The following ST6GALNAC3 variants were observed in gnomAD, a reference collection of about 807,000 sequenced individuals.
ST6GALNAC3 encodes ST6 N-acetylgalactosaminide alpha-2,6-sialyltransferase 3, also known as alpha-N-acetylgalactosaminide alpha-2,6-sialyltransferase 3.
A neutral mutation model predicts 32.7 loss-of-function variants in ST6GALNAC3; 25 were observed. That is an observed-to-expected ratio of 0.76 (90% confidence interval 0.56 to 1.07). The LOEUF is 1.07. Among genes scored for constraint, ST6GALNAC3 ranks in the 50% least tolerant of loss-of-function variants. The pLI is 0.00. For synonymous variants in ST6GALNAC3, 129 were observed against 133.1 expected (o/e 0.97, Z 0.21); for missense variants, 355 against 382.4 (o/e 0.93, Z 0.60).
At chr1:76,440,949 A>G (rs754421255) in intron 3 of ST6GALNAC3, among the ~76,000 whole-genome samples, 3 of 152,014 alleles carry the variant, frequency 2.0e-5, no homozygotes, top group Non-Finnish European at 4.4e-5. Context: ...TTAGCTGGGC[A>G]TGGTGGGGTG....
intron 1 of ST6GALNAC3, among the ~76,000 whole-genome samples, chr1:76,266,742 C>T (rs1428657104): frequency 6.6e-6 from 1 of 152,160 alleles, no homozygotes; most frequent in Non-Finnish European, 1.5e-5. Context: ...ATGCCAGCCA[C>T]CGACTGTGCT....
chr1:76,366,058 A>G (rs566902403), intron 2 of ST6GALNAC3, among the ~76,000 whole-genome samples: 2 of 152,074 alleles, frequency 1.3e-5, no homozygotes, highest in Admixed American at 1.3e-4. Context: ...TTTACTTTAG[A>G]TGATTTCTTT....
At chr1:76,158,476 G>A (rs1400286951) in intron 1 of ST6GALNAC3, among the ~76,000 whole-genome samples, 1 of 152,198 alleles carries the variant, frequency 6.6e-6, no homozygotes, top group African/African-American at 2.4e-5. Flanking sequence ...CACAGTTCCT[G>A]GGGTGGCCCC....
chr1:76,457,694 A>T (rs1657937520), intron 3 of ST6GALNAC3, among the ~76,000 whole-genome samples: 1 of 152,172 alleles, frequency 6.6e-6, no homozygotes, highest in African/African-American at 2.4e-5. Context: ...TAGAAAGCTG[A>T]AACTGGATCC....
At chr1:76,079,999 G>A (rs933347279) in intron 1 of ST6GALNAC3, among the ~76,000 whole-genome samples, 4 of 152,178 alleles carry the variant, frequency 2.6e-5, no homozygotes, top group Admixed American at 2.0e-4. Context: ...AAATGTTAGG[G>A]AGCCGCGGCC....
intron 3 of ST6GALNAC3, among the ~76,000 whole-genome samples, chr1:76,610,255 C>T (rs187061134): frequency 6.6e-6 from 1 of 151,964 alleles, no homozygotes; most frequent in Non-Finnish European, 1.5e-5. Context: ...GTAATTAAAT[C>T]CCCTGTTAGC....
At chr1:76,283,509 G>A (rs549678117) in intron 1 of ST6GALNAC3, among the ~76,000 whole-genome samples, 1 of 152,236 alleles carries the variant, frequency 6.6e-6, no homozygotes. Flanking sequence ...AAGGCATGAG[G>A]GGTCAGGGCC....
chr1:76,462,722 A>G (rs1324387806), intron 3 of ST6GALNAC3, among the ~76,000 whole-genome samples: 1 of 152,170 alleles, frequency 6.6e-6, no homozygotes, highest in East Asian at 1.9e-4. Context: ...TAGACACAGT[A>G]TTTGTTTAAG....
intron 3 of ST6GALNAC3, among the ~76,000 whole-genome samples, chr1:76,526,536 G>A (rs1662923328): frequency 6.6e-6 from 1 of 151,946 alleles, no homozygotes; most frequent in Non-Finnish European, 1.5e-5. Flanking sequence ...TTATCTTGTT[G>A]ACTCAGTGAG....
chr1:76,187,737 ACACACACACG>A (rs1258640044), intron 1 of ST6GALNAC3, among the ~76,000 whole-genome samples: 2 of 152,022 alleles, frequency 1.3e-5, no homozygotes, highest in East Asian at 1.9e-4. Flanking sequence ...CTCCAAACAC[ACACACACACG>A]CACACACACA....
At chr1:76,416,435 A>G (rs1055445581) in intron 3 of ST6GALNAC3, among the ~76,000 whole-genome samples, 6 of 152,084 alleles carry the variant, frequency 3.9e-5, no homozygotes, top group African/African-American at 9.7e-5. Context: ...ATTATTATGT[A>G]TAATTTATAG....
chr1:76,320,954 G>GTA (rs145883646), intron 2 of ST6GALNAC3, among the ~76,000 whole-genome samples: 1 of 149,710 alleles, frequency 6.7e-6, no homozygotes, highest in African/African-American at 2.5e-5. Context: ...GTGTAAAATG[G>GTA]TATATATATA....
intron 3 of ST6GALNAC3, among the ~76,000 whole-genome samples, chr1:76,580,927 C>T (rs1365544384): frequency 6.6e-6 from 1 of 152,034 alleles, no homozygotes; most frequent in African/African-American, 2.4e-5. Flanking sequence ...TTGACAAGCA[C>T]CAAAGCAAGA....
At chr1:76,635,600 G>A (rs1202772940), downstream of ST6GALNAC3, among the ~76,000 whole-genome samples, 1 of 152,156 alleles carries the variant, frequency 6.6e-6, no homozygotes, top group African/African-American at 2.4e-5. Context: ...GCTAATAAAT[G>A]TAACCAATAA....
At chr1:76,326,385 A>G (rs886699523) in intron 2 of ST6GALNAC3, among the ~76,000 whole-genome samples, 1 of 152,200 alleles carries the variant, frequency 6.6e-6, no homozygotes, top group African/African-American at 2.4e-5. Flanking sequence ...GGGCAAGTCC[A>G]ACATCAATGG....
chr1:76,395,203 C>T (rs1652857839), intron 2 of ST6GALNAC3, among the ~76,000 whole-genome samples: 1 of 95,438 alleles, frequency 1.0e-5, no homozygotes, highest in Admixed American at 1.0e-4. Flanking sequence ...CATACCAGAC[C>T]TAACCAGAAT....
chr1:76,526,746 A>G (rs943825287), intron 3 of ST6GALNAC3, among the ~76,000 whole-genome samples: 1 of 152,114 alleles, frequency 6.6e-6, no homozygotes, highest in African/African-American at 2.4e-5. Flanking sequence ...ATCACTTGCA[A>G]TTTAAACGCT....
intron 3 of ST6GALNAC3, 29 bp from the exon 4 acceptor site, chr1:76,627,419 CTGTT>C (rs1212398992): frequency 1.4e-6 from 2 of 1,393,446 alleles, no homozygotes; most frequent in Non-Finnish European, 2.0e-6. Context: ...GTGTTTTGTT[CTGTT>C]TGTTATTGTT....
At chr1:76,328,411 A>T (rs1325925419) in intron 2 of ST6GALNAC3, among the ~76,000 whole-genome samples, 1 of 152,164 alleles carries the variant, frequency 6.6e-6, no homozygotes, top group Non-Finnish European at 1.5e-5. Context: ...GTGAAGCCTG[A>T]CTTCTTACTC....
Sources: gnomAD v4.1 joint callset for allele counts (sites outside exome capture counted in the v4.1 genomes callset) on GRCh38, gnomAD v4.1.1 for gene constraint, MANE v1.5 for transcripts, NCBI Gene and HGNC (gene_info 2026-07-23, HGNC 2026-07-21) for gene names.